Variants in TBC1D5 observed in about 807,000 individuals in gnomAD.
The protein encoded by TBC1D5 is TBC1 domain family, member 5.
TBC1D5 carries 75 observed loss-of-function variants against 100.3 expected under a neutral mutation model. The observed-to-expected ratio is 0.75, with a 90% CI of 0.62 to 0.91. The LOEUF (loss-of-function observed/expected upper bound fraction) is 0.91, where lower values mean the gene tolerates loss of function less well. TBC1D5 is among the 40% of genes least tolerant of loss of function. TBC1D5 has a pLI of 0.00. For synonymous variants in TBC1D5, 323 were observed against 325.6 expected (o/e 0.99, Z 0.09); for missense variants, 910 against 942.4 (o/e 0.97, Z 0.45).
At chr3:17,168,025 C>T (rs1476139043) in intron 19 of TBC1D5, among the ~76,000 whole-genome samples, 197 bp from the exon 21 acceptor site, 2 of 152,210 alleles carry the variant, frequency 1.3e-5, no homozygotes, top group Non-Finnish European at 2.9e-5. Flanking sequence ...CTGGTACACA[C>T]AGCCTCCCCT....
intron 1 of TBC1D5, among the ~76,000 whole-genome samples, chr3:17,726,905 TTACTC>T (rs1214131350): frequency 6.6e-6 from 1 of 152,222 alleles, no homozygotes; most frequent in East Asian, 1.9e-4. Flanking sequence ...AATAACCTCT[TTACTC>T]AACTTGATTC....
chr3:17,394,610 A>G (rs2093446678), intron 8 of TBC1D5, among the ~76,000 whole-genome samples: 1 of 152,136 alleles, frequency 6.6e-6, no homozygotes. Context: ...ATAATTTTAA[A>G]AGAAGATAAT....
chr3:17,652,789 A>C (rs2065700745), intron 1 of TBC1D5, among the ~76,000 whole-genome samples: 2 of 152,228 alleles, frequency 1.3e-5, no homozygotes, highest in African/African-American at 4.8e-5. Context: ...GAAGAATTAA[A>C]GACTACCTGC....
chr3:17,199,433 C>T (rs1394590830), intron 18 of TBC1D5, among the ~76,000 whole-genome samples: 1 of 152,140 alleles, frequency 6.6e-6, no homozygotes, highest in African/African-American at 2.4e-5. Flanking sequence ...TTCTTATTTT[C>T]AAAAACATTA....
rs1480624308 is a variant in TBC1D5, at chr3:17,396,037, T to A, written c.509+7144A>T. Among the ~76,000 whole-genome samples, 3 of 152,080 alleles carry A rather than the reference T, an allele frequency of 2.0e-5. No individual in the cohort carries two copies. The East Asian group carries it at 5.8e-4, about 29-fold the overall frequency. On this transcript the variant is annotated intron_variant, in intron 8 of 21. Coordinates refer to ENST00000253692, the Ensembl canonical transcript of TBC1D5. Reference sequence around the variant, plus strand: ...TATTTTTCATATTCCTGAAAATCTGTTTTCCCCCCTCTTTAATATTTAAGA... The same window carrying A: ...TATTTTTCATATTCCTGAAAATCTGATTTCCCCCCTCTTTAATATTTAAGA...
chr3:17,498,466 C>T (rs544527643), intron 3 of TBC1D5, among the ~76,000 whole-genome samples: 23 of 152,140 alleles, frequency 1.5e-4, no homozygotes, highest in Non-Finnish European at 2.2e-4. Context: ...TTCGGTGAGA[C>T]GTCTTTTAAG....
At chr3:17,611,808 A>G (rs1482538157) in intron 2 of TBC1D5, among the ~76,000 whole-genome samples, 1 of 150,162 alleles carries the variant, frequency 6.7e-6, no homozygotes, top group African/African-American at 2.5e-5. Flanking sequence ...GGAGGATTCT[A>G]TGTTATAATG....
chr3:17,418,094 T>C (rs148520090), intron 4 of TBC1D5, among the ~76,000 whole-genome samples: 64 of 152,260 alleles, frequency 4.2e-4, no homozygotes, highest in African/African-American at 1.4e-3. Context: ...GGAATGAAAA[T>C]TGTATCCGTA....
At chr3:17,523,879 G>C (rs1218168989) in intron 2 of TBC1D5, among the ~76,000 whole-genome samples, 1 of 152,160 alleles carries the variant, frequency 6.6e-6, no homozygotes, top group East Asian at 1.9e-4. Flanking sequence ...TACATAAAGA[G>C]AAACATAGTT....
chr3:17,308,025 A>C (rs1184269165), exon 14 of TBC1D5: 1 of 1,607,328 alleles, frequency 6.2e-7, no homozygotes, highest in Non-Finnish European at 8.5e-7. Context: ...ATGGCTACGA[A>C]GATATAATCT....
At chr3:17,622,807 C>T (rs1164608969) in intron 2 of TBC1D5, 1 of 152,156 alleles carries the variant, frequency 6.6e-6, no homozygotes, top group East Asian at 1.9e-4. Flanking sequence ...GAAATGTTTA[C>T]TACACTATGA....
chr3:17,508,746 T>A, intron 2 of TBC1D5, 141 bp from the exon 3 acceptor site: 1 of 386,474 alleles, frequency 2.6e-6, no homozygotes, highest in Non-Finnish European at 4.7e-6. Flanking sequence ...TTATCTCACA[T>A]TGGTAGGCTT....
intron 1 of TBC1D5, among the ~76,000 whole-genome samples, chr3:17,704,499 CG>C (rs2153895445): frequency 9.0e-6 from 1 of 110,862 alleles, no homozygotes; most frequent in South Asian, 3.5e-4. Flanking sequence ...TAGGGGCGGC[CG>C]GGCAGAGGCG....
rs577083282 is a variant in TBC1D5, at chr3:17,699,813, G to GA, written c.-101+39529dup. On this transcript the variant is annotated intron_variant, in intron 1 of 21. Transcript: ENST00000253692. ...GGATTAAAGGAGTACTGTGTCAAGG[G>GA]AAAAAAAAAAAAAAGAAAGAAAGTT... is the stretch of plus-strand genomic sequence containing the variant. 1.6e-3 allele frequency among the ~76,000 whole-genome samples: 208 copies of GA among 133,298 alleles called. 2 individuals are homozygous for GA. Among genetic ancestry groups the GA allele is most frequent in the East Asian group, 7.1e-3 (33 of 4,654 alleles). The allele number at this position is 133,298 out of a possible 152,430, so 87.4% of individuals were successfully genotyped here. A position where few individuals can be genotyped will look rare whatever the true frequency, so the allele number is the denominator to read the frequency against.
At chr3:17,160,694 C>A (rs745660629) in exon 22 of TBC1D5, 3 of 440,152 alleles carry the variant, frequency 6.8e-6, no homozygotes, top group Non-Finnish European at 1.2e-5. Context: ...ATACTGGGTA[C>A]GTAACTCAGC....
chr3:17,576,258 T>C (rs1362731204), intron 2 of TBC1D5, among the ~76,000 whole-genome samples: 1 of 151,750 alleles, frequency 6.6e-6, no homozygotes, highest in Non-Finnish European at 1.5e-5. Context: ...GGTTGAGAGG[T>C]GATGGAGGTT....
intron 13 of TBC1D5, among the ~76,000 whole-genome samples, chr3:17,328,542 A>T (rs1575360496): frequency 6.6e-6 from 1 of 152,088 alleles, no homozygotes. Flanking sequence ...CAGAACTGGG[A>T]CTCACTTCTA....
intron 3 of TBC1D5, among the ~76,000 whole-genome samples, chr3:17,482,469 A>G (rs1225739183): frequency 6.6e-6 from 1 of 152,212 alleles, no homozygotes; most frequent in Non-Finnish European, 1.5e-5. Context: ...CTTTGTCATC[A>G]TTAATGTATT....
chr3:17,582,683 C>CAA (rs141006663), intron 2 of TBC1D5, among the ~76,000 whole-genome samples: 1 of 82,036 alleles, frequency 1.2e-5, no homozygotes, highest in Non-Finnish European at 2.7e-5. Flanking sequence ...AGTATGCTAT[C>CAA]AAAAAAAAAA....
Sources: gnomAD v4.1 joint callset for allele counts (sites outside exome capture counted in the v4.1 genomes callset) on GRCh38, gnomAD v4.1.1 for gene constraint, MANE v1.5 for transcripts, NCBI Gene and HGNC (gene_info 2026-07-23, HGNC 2026-07-21) for gene names.